INTS12: variants seen among roughly 807,000 people sequenced by gnomAD.
INTS12 encodes PHD finger protein 22.
INTS12 carries 13 observed loss-of-function variants against 41.6 expected under a neutral mutation model. The observed-to-expected ratio is 0.31, with a 90% CI of 0.20 to 0.50. INTS12 has a LOEUF of 0.50. Among genes scored for constraint, INTS12 ranks in the 20% least tolerant of loss-of-function variants. The pLI is 0.98. For missense variants in INTS12, 432 were observed against 541.6 expected (o/e 0.80, Z 2.01); for synonymous variants, 199 against 191.4 (o/e 1.04, Z -0.33).
intron 5 of INTS12, among the ~76,000 whole-genome samples, chr4:105,692,830 A>G (rs1731737804): frequency 6.6e-6 from 1 of 152,202 alleles, no homozygotes; most frequent in South Asian, 2.1e-4. Flanking sequence ...CATTAATATG[A>G]GTCACCTAAA....
At chr4:105,695,366 C>G (rs1245150133) in intron 4 of INTS12, 150 bp downstream of exon 4, 2 of 562,544 alleles carry the variant, frequency 3.6e-6, no homozygotes, top group Non-Finnish European at 5.7e-6. Flanking sequence ...AAGTCAAAAT[C>G]TATAGCTATC....
intron 7 of INTS12, among the ~76,000 whole-genome samples, chr4:105,686,480 T>C (rs1162733899): frequency 6.6e-6 from 1 of 152,240 alleles, no homozygotes; most frequent in African/African-American, 2.4e-5. Flanking sequence ...AGACTGTTCG[T>C]ATTTGTGATA....
chr4:105,683,019 A>C lies in INTS12; in HGVS notation c.1103T>G (p.Leu368Trp). 4.3e-6 allele frequency: 7 copies of C among 1,614,084 alleles called. No individual in the cohort carries two copies. Among genetic ancestry groups the C allele is most frequent in the African/African-American group, 1.3e-5 (1 of 75,024 alleles). The change falls in exon 8 of 8, where the codon TTG becomes TGG. Residue 368 changes from leucine to tryptophan, a missense_variant. Leu to Trp is a moderately conservative substitution (Grantham distance 61). Coordinates refer to ENST00000340139, the MANE Select transcript of INTS12 (RefSeq NM_020395.4). ...VPLKPPPPLTLGKTGLSRSVS... is the reference protein window; with the variant it reads ...VPLKPPPPLTWGKTGLSRSVS... ...TGAGCGACTAAGGCCAGTTTTACCC[A>C]AGGTTAGAGGTGGAGGTGGTTTTAA...
intron 6 of INTS12, among the ~76,000 whole-genome samples, chr4:105,689,745 A>C (rs1179806719): frequency 6.6e-6 from 1 of 152,112 alleles, no homozygotes; most frequent in African/African-American, 2.4e-5. Flanking sequence ...TCTACAAAAA[A>C]TAAAAAAAAA....
intron 6 of INTS12, among the ~76,000 whole-genome samples, chr4:105,690,947 G>A (rs1489523008): frequency 6.6e-6 from 1 of 152,144 alleles, no homozygotes; most frequent in Non-Finnish European, 1.5e-5. Flanking sequence ...ACCAAACTGA[G>A]CAGAACAGAT....
chr4:105,703,062 T>C, intron 2 of INTS12: 6 of 969,406 alleles, frequency 6.2e-6, no homozygotes, highest in Non-Finnish European at 7.4e-6. Flanking sequence ...TTACACCAAA[T>C]CATGTTACTT....
At chr4:105,685,412 C>A (rs73837096) in intron 7 of INTS12, among the ~76,000 whole-genome samples, 10,159 of 152,206 alleles carry the variant, frequency 0.067, 348 homozygotes, top group Middle Eastern at 0.11. Flanking sequence ...GTTATTCTTA[C>A]TTCTATTCCA....
chr4:105,699,687 C>A (rs916572022), intron 3 of INTS12, among the ~76,000 whole-genome samples, 163 bp downstream of exon 3: 3 of 152,072 alleles, frequency 2.0e-5, no homozygotes, highest in African/African-American at 7.2e-5. Flanking sequence ...TGTAACAGTT[C>A]TCTGAAAACT....
intron 7 of INTS12, among the ~76,000 whole-genome samples, chr4:105,685,280 A>G (rs1291562476): frequency 6.6e-6 from 1 of 152,120 alleles, no homozygotes; most frequent in Non-Finnish European, 1.5e-5. Context: ...TTTGTTTGCC[A>G]TAAAATGATT....
rs1732396639 is a variant in INTS12 at position 105,708,650 on chromosome 4, C to T, written c.-184G>A. 3 of 964,408 alleles carry T rather than the reference C, an allele frequency of 3.1e-6. No homozygotes were observed. Among genetic ancestry groups the T allele is most frequent in the African/African-American group, 1.8e-5 (1 of 56,756 alleles). The allele number at this position is 964,408 out of a possible 1,614,324, so 59.7% of individuals were successfully genotyped here. A position where few individuals can be genotyped will look rare whatever the true frequency, so the allele number is the denominator to read the frequency against. ...CAGCATAACTCACCGTTCCGCCCCG[C>T]CCTGCCGATCCGTCTGTTCCCGGTG... On this transcript the variant is annotated 5_prime_UTR_variant, in exon 1 of 8. Transcript: ENST00000340139.
At position 105,686,815 on chromosome 4, in the gene INTS12, C is replaced by A. The variant is rs375236716; in HGVS notation, c.681G>T (p.Pro227=). ...AAACAACTGCAGGGGCTGGTTTCTGCGGTGGTTTCTGAGTTTTTTGAGCCT... is the reference window on the plus strand; with the variant it reads ...AAACAACTGCAGGGGCTGGTTTCTGAGGTGGTTTCTGAGTTTTTTGAGCCT... ...KRMAQKTQKP[P]QKPAPAVVSV... is the part of the protein sequence containing the mutation. Residue 227 remains proline, a synonymous_variant, in exon 7 of 8, where the codon CCG becomes CCT. Coordinates refer to ENST00000340139, the MANE Select transcript of INTS12 (RefSeq NM_020395.4). The A allele has an allele frequency of 1.2e-6, 2 of 1,613,614 alleles. No individual in the cohort carries two copies. Among genetic ancestry groups the A allele is most frequent in the Non-Finnish European group, 1.7e-6 (2 of 1,179,864 alleles).
At chr4:105,702,337 C>T (rs1732113396) in intron 2 of INTS12, among the ~76,000 whole-genome samples, 2 of 151,916 alleles carry the variant, frequency 1.3e-5, no homozygotes, top group African/African-American at 4.8e-5. Context: ...GGGGTTTCAT[C>T]ATGTTAGCCA....
chr4:105,699,734 C>G, intron 3 of INTS12, 116 bp downstream of exon 3: 1 of 758,604 alleles, frequency 1.3e-6, no homozygotes, highest in Non-Finnish European at 1.9e-6. Flanking sequence ...ATAATTTCTT[C>G]ATGCTACAAG....
At chr4:105,685,889 A>G (rs1390266025) in intron 7 of INTS12, among the ~76,000 whole-genome samples, 1 of 152,178 alleles carries the variant, frequency 6.6e-6, no homozygotes, top group Non-Finnish European at 1.5e-5. Context: ...TTGGTATAAG[A>G]GGTAGATAAC....
chr4:105,698,225 G>T (rs1353714366), intron 3 of INTS12, among the ~76,000 whole-genome samples: 1 of 152,168 alleles, frequency 6.6e-6, no homozygotes, highest in Non-Finnish European at 1.5e-5. Flanking sequence ...TAATGTAAAT[G>T]AATATCAACC....
rs756834645 is a variant in INTS12 at position 105,682,749 on chromosome 4, T to C, written c.1373A>G (p.Lys458Arg). 2.4e-5 allele frequency: 39 copies of C among 1,613,524 alleles called. No individual in the cohort carries two copies. The highest frequency in any genetic ancestry group is 8.3e-5 in the Admixed American group (5 of 59,954). The change falls in exon 8 of 8, where the codon AAG becomes AGG. Residue 458 changes from lysine to arginine, a missense_variant. Physicochemically the swap from Lys to Arg is conservative, Grantham distance 26 (BLOSUM62 2). Transcript: ENST00000340139. The part of the protein sequence containing the change: ...LQMVKKKAAQ[K>R]KLKK The stretch of plus-strand genomic sequence containing the variant: ...TTGGCCACATTACTTCTTGAGTTTC[T>C]TTTGGGCAGCTTTCTTCTTGACCAT...
At chr4:105,688,019 T>C (rs1207816476) in intron 6 of INTS12, among the ~76,000 whole-genome samples, 1 of 152,108 alleles carries the variant, frequency 6.6e-6, no homozygotes, top group Admixed American at 6.5e-5. Flanking sequence ...AGGCAAAATA[T>C]GTGAATCTCT....
intron 1 of INTS12, chr4:105,707,924 A>T (rs781084081): frequency 2.0e-6 from 2 of 982,612 alleles, no homozygotes; most frequent in Non-Finnish European, 2.4e-6. Flanking sequence ...CCTACCTGGC[A>T]ATCTCAAAAG....
Position 105,695,643 on chromosome 4 carries a change from C to T in INTS12, c.182G>A (p.Ser61Asn), listed in dbSNP as rs1256765354. 7 of 1,612,192 alleles carry T rather than the reference C, an allele frequency of 4.3e-6. No homozygotes were observed. Among genetic ancestry groups the T allele is most frequent in the Non-Finnish European group, 5.1e-6 (6 of 1,179,642 alleles). The part of the protein sequence containing the change: ...QKDVEPPKIS[S>N]TKNISIKQEP... The stretch of plus-strand genomic sequence containing the variant: ...TTGCTTAATGGAAATGTTTTTTGTG[C>T]TTGAAATTTTGGGTGGCTCCACATC... The change falls in exon 4 of 8, where the codon AGC (serine) becomes AAC (asparagine). Residue 61 changes from serine to asparagine, a missense_variant. Physicochemically the swap from Ser to Asn is conservative, Grantham distance 46. Around this residue, in one of 3 missense-constraint regions of INTS12, gnomAD observed 168 missense variants for 198.9 expected, o/e 0.84. Transcript: ENST00000340139.
Sources: gnomAD v4.1 joint callset for allele counts (sites outside exome capture counted in the v4.1 genomes callset) on GRCh38, gnomAD v4.1.1 for gene constraint, gnomAD v4.1.1 regional missense constraint, MANE v1.5 for transcripts, NCBI Gene and HGNC (gene_info 2026-07-23, HGNC 2026-07-21) for gene names.